Variants in RAC1 observed in about 807,000 individuals in gnomAD.
The protein encoded by RAC1 is Rac family small GTPase 1.
Under a neutral mutation model 25.2 loss-of-function variants are expected in RAC1, and 2 were observed. The observed-to-expected ratio is 0.08, with a 90% confidence interval of 0.03 to 0.25. The LOEUF is 0.25. Ranked by LOEUF, RAC1 falls within the 10% of genes least tolerant of loss-of-function variation. The pLI is 1.00. For synonymous variants in RAC1, 88 were observed against 94.0 expected (o/e 0.94, Z 0.37); for missense variants, 50 against 235.7 (o/e 0.21, Z 5.16).
intron 1 of RAC1, among the ~76,000 whole-genome samples, chr7:6,385,993 G>A (rs1022515754): frequency 1.3e-5 from 2 of 152,136 alleles, no homozygotes; most frequent in Admixed American, 6.6e-5. Flanking sequence ...TGCTAATGAT[G>A]TGGTGACCTT....
chr7:6,391,765 C>T (rs906299586), intron 2 of RAC1, among the ~76,000 whole-genome samples, 159 bp from the exon 3 acceptor site: 1 of 152,064 alleles, frequency 6.6e-6, no homozygotes, highest in Non-Finnish European at 1.5e-5. Context: ...GCAAGTTTTG[C>T]CCGTGCCGCC....
chr7:6,390,863 T>G (rs1345434550), intron 2 of RAC1, among the ~76,000 whole-genome samples: 1 of 152,162 alleles, frequency 6.6e-6, no homozygotes, highest in Non-Finnish European at 1.5e-5. Flanking sequence ...GGAAATATAA[T>G]TAACATGTCC....
chr7:6,389,950 TC>T (rs1315063858), intron 2 of RAC1, among the ~76,000 whole-genome samples: 1 of 134,902 alleles, frequency 7.4e-6, no homozygotes, highest in African/African-American at 2.7e-5. Context: ...TCCCTCCCTC[TC>T]TCCCTCCCTT....
In RAC1 at chr7:6,387,204, C is replaced by G. The variant is rs959182849; in HGVS notation, c.36-8C>G. 5 of 1,541,010 alleles carry G rather than the reference C, an allele frequency of 3.2e-6. No homozygotes were observed. The highest frequency in any genetic ancestry group is 4.4e-6 in the Non-Finnish European group (5 of 1,141,848). ...TGACTAAGCAACCTTTTTTCTCTTTCTCTTTAGAGCTGTAGGTAAAACTTG... is the reference window on the plus strand; with the variant it reads ...TGACTAAGCAACCTTTTTTCTCTTTGTCTTTAGAGCTGTAGGTAAAACTTG... On this transcript the variant is annotated splice_polypyrimidine_tract_variant and splice_region_variant and intron_variant, in intron 1 of 5. Transcript: ENST00000348035.
chr7:6,390,436 C>T (rs1413658953), intron 2 of RAC1, among the ~76,000 whole-genome samples: 1 of 151,856 alleles, frequency 6.6e-6, no homozygotes, highest in African/African-American at 2.4e-5. Context: ...CCCATCTCTA[C>T]TAAAAATACA....
At position 6,396,325 on chromosome 7, in the gene RAC1, AT is replaced by A. The variant is rs905118239; in HGVS notation, c.226-3800del. On this transcript the variant is annotated intron_variant, in intron 3 of 5. Transcript: ENST00000348035. Reference sequence around the variant, plus strand: ...CAGGGTCAGCCAGCACAGCCTCTGTATGTGAAGCGTCAGGACAGCGACGGCC... The same window carrying A: ...CAGGGTCAGCCAGCACAGCCTCTGTAGTGAAGCGTCAGGACAGCGACGGCC... 7.2e-5 allele frequency among the ~76,000 whole-genome samples: 11 copies of A among 152,122 alleles called. 1 individual carries two copies. The highest frequency in any genetic ancestry group is 3.9e-4 in the Admixed American group (6 of 15,260).
At chr7:6,379,450 T>A (rs1782702995) in intron 1 of RAC1, among the ~76,000 whole-genome samples, 1 of 151,986 alleles carries the variant, frequency 6.6e-6, no homozygotes, top group Non-Finnish European at 1.5e-5. Flanking sequence ...ATTTCGTATT[T>A]TTAATAGAGA....
chr7:6,387,841 G>T (rs1312605191), intron 2 of RAC1, among the ~76,000 whole-genome samples: 1 of 152,188 alleles, frequency 6.6e-6, no homozygotes, highest in African/African-American at 2.4e-5. Flanking sequence ...GAGACTGGAT[G>T]ATGTTAAAGA....
intron 1 of RAC1, among the ~76,000 whole-genome samples, chr7:6,381,146 G>T (rs1192525610): frequency 1.3e-5 from 2 of 152,184 alleles, no homozygotes; most frequent in Non-Finnish European, 2.9e-5. Flanking sequence ...GGGATTACAG[G>T]CGTCAGCCAC....
intron 4 of RAC1, among the ~76,000 whole-genome samples, chr7:6,401,152 C>T (rs1783389997): frequency 6.6e-6 from 1 of 152,144 alleles, no homozygotes. Flanking sequence ...GACGGGGTTT[C>T]ACCATGTTTG....
At chr7:6,389,888 T>A (rs1408615478) in intron 2 of RAC1, among the ~76,000 whole-genome samples, 1 of 152,072 alleles carries the variant, frequency 6.6e-6, no homozygotes, top group African/African-American at 2.4e-5. Flanking sequence ...TCTTTTGTAT[T>A]TTTCTACTGA....
rs34547258 is a variant in RAC1, at chr7:6,390,096, C to CTTTTTTTTTTT, written c.108-1817_108-1807dup. 7.7e-3 allele frequency among the ~76,000 whole-genome samples: 577 copies of CTTTTTTTTTTT among 74,904 alleles called. 85 individuals are homozygous for CTTTTTTTTTTT. In the East Asian group the frequency reaches 0.18, roughly 23 times the overall value. 49.1% of individuals were successfully genotyped at this position (74,904 alleles called of 152,430 possible). A position where few individuals can be genotyped will look rare whatever the true frequency, so the allele number is the denominator to read the frequency against. On this transcript the variant is annotated intron_variant, in intron 2 of 5. Transcript: ENST00000348035. ...CCTCCCTTGCTCCCTCCCTCCCTCC[C>CTTTTTTTTTTT]TTTTTTTTTTTTTTTTTTTTTGAGA...
intron 2 of RAC1, among the ~76,000 whole-genome samples, chr7:6,391,234 C>CT (rs1554263590): frequency 1.5e-5 from 2 of 134,584 alleles, no homozygotes; most frequent in African/African-American, 5.6e-5. Context: ...TTTTTTTTTT[C>CT]TTTTTTGCCT....
chr7:6,377,635 C>T (rs751545564), intron 1 of RAC1, among the ~76,000 whole-genome samples: 3 of 151,718 alleles, frequency 2.0e-5, no homozygotes, highest in Non-Finnish European at 2.9e-5. Flanking sequence ...ACGTCTTTGG[C>T]CGGGCACGGT....
At chr7:6,381,510 A>G (rs1200355024) in intron 1 of RAC1, among the ~76,000 whole-genome samples, 1 of 151,250 alleles carries the variant, frequency 6.6e-6, no homozygotes, top group Non-Finnish European at 1.5e-5. Flanking sequence ...CTCCTGCCTC[A>G]GCCTCCTGAG....
At chr7:6,376,486 A>ATTTTTTTTT (rs544818669) in intron 1 of RAC1, among the ~76,000 whole-genome samples, 1 of 122,900 alleles carries the variant, frequency 8.1e-6, no homozygotes, top group African/African-American at 3.1e-5. Flanking sequence ...GCCCGGCCCA[A>ATTTTTTTTT]TTTTTTTTTT....
chr7:6,379,560 C>G (rs1158850805), intron 1 of RAC1, among the ~76,000 whole-genome samples: 1 of 152,092 alleles, frequency 6.6e-6, no homozygotes, highest in Non-Finnish European at 1.5e-5. Context: ...CAGGCATGAG[C>G]CACTACGCCT....
chr7:6,387,718 T>TC (rs1225936316), intron 2 of RAC1, among the ~76,000 whole-genome samples: 1 of 149,018 alleles, frequency 6.7e-6, no homozygotes, highest in East Asian at 2.0e-4. Flanking sequence ...AGAGCGAAAC[T>TC]CCATCTCAAA....
chr7:6,403,767 T>C lies in RAC1; in HGVS notation c.*1321T>C, dbSNP rs1182717754. Reference sequence around the variant, plus strand: ...TTGATGTTCCTTTGGGTCTGTGAGGTTCTGTAAACTGTGCTAGTGCTGACG... The same window carrying C: ...TTGATGTTCCTTTGGGTCTGTGAGGCTCTGTAAACTGTGCTAGTGCTGACG... On this transcript the variant is annotated 3_prime_UTR_variant, in exon 6 of 6. Coordinates refer to ENST00000348035, the MANE Select transcript of RAC1 (RefSeq NM_006908.5). The C allele has an allele frequency of 4.7e-6, 1 of 210,730 alleles. No individual in the cohort carries two copies. The highest frequency in any genetic ancestry group is 9.6e-6 in the Non-Finnish European group (1 of 103,812). 13.1% of individuals were successfully genotyped at this position (210,730 alleles called of 1,614,324 possible).
Sources: allele counts gnomAD v4.1 joint callset (sites outside exome capture counted in the v4.1 genomes callset), GRCh38; gene constraint gnomAD v4.1.1; transcripts MANE v1.5; gene names NCBI Gene and HGNC (gene_info 2026-07-23, HGNC 2026-07-21).